The following PALM2AKAP2 variants were observed in gnomAD, a reference collection of about 807,000 sequenced individuals.
PALM2AKAP2 encodes PALM2-AKAP2 fusion protein.
Under a neutral mutation model 71.5 loss-of-function variants are expected in PALM2AKAP2, and 37 were observed. The ratio of observed to expected loss-of-function variants is 0.52; its 90% CI spans 0.40 to 0.68. The LOEUF is 0.68. Ranked by LOEUF, PALM2AKAP2 falls within the 30% of genes least tolerant of loss-of-function variation. The probability of loss-of-function intolerance (pLI) is 0.00; values close to 1 mark genes in which losing one functional copy is unlikely to be tolerated. For missense variants in PALM2AKAP2, 1,224 were observed against 1,191.8 expected (o/e 1.03, Z -0.40); for synonymous variants, 468 against 478.8 (o/e 0.98, Z 0.29).
At chr9:110,140,883 G>A (rs1470829444) in intron 2 of PALM2AKAP2, among the ~76,000 whole-genome samples, 2 of 152,154 alleles carry the variant, frequency 1.3e-5, no homozygotes, top group African/African-American at 2.4e-5. Flanking sequence ...GGAAGGAAAG[G>A]AAAGGGAGGA....
At chr9:109,783,608 C>CT (rs1826878828) in intron 1 of PALM2AKAP2, among the ~76,000 whole-genome samples, 1 of 152,174 alleles carries the variant, frequency 6.6e-6, no homozygotes, top group African/African-American at 2.4e-5. Flanking sequence ...CTGAACAGCT[C>CT]TTTTTTAATC....
At chr9:110,078,025 A>AAAAG (rs1834358962) in intron 1 of PALM2AKAP2, among the ~76,000 whole-genome samples, 1 of 152,074 alleles carries the variant, frequency 6.6e-6, no homozygotes, top group African/African-American at 2.4e-5. Flanking sequence ...AAAAAAAAAA[A>AAAAG]AAAGAAAGAA....
intron 1 of PALM2AKAP2, among the ~76,000 whole-genome samples, chr9:109,711,732 A>G (rs1374281252): frequency 6.6e-6 from 1 of 152,226 alleles, no homozygotes; most frequent in Non-Finnish European, 1.5e-5. Context: ...TATGGCACAG[A>G]GAGCTAAACA....
At chr9:109,852,046 A>G (rs1320773956) in intron 1 of PALM2AKAP2, among the ~76,000 whole-genome samples, 1 of 152,224 alleles carries the variant, frequency 6.6e-6, no homozygotes, top group African/African-American at 2.4e-5. Context: ...GGTTCTGAGC[A>G]CAAACTCTGA....
chr9:109,903,721 C>T (rs1291981327), intron 3 of PALM2AKAP2, among the ~76,000 whole-genome samples: 3 of 152,132 alleles, frequency 2.0e-5, no homozygotes, highest in Non-Finnish European at 4.4e-5. Context: ...TATGACTTCA[C>T]CTGCCACTAG....
At chr9:110,055,503 C>T (rs927220071) in intron 1 of PALM2AKAP2, among the ~76,000 whole-genome samples, 4 of 152,154 alleles carry the variant, frequency 2.6e-5, no homozygotes, top group African/African-American at 9.7e-5. Context: ...GGGGAAGGGG[C>T]CTCTTTTGGT....
At chr9:109,662,165 T>G (rs1176536827) in intron 1 of PALM2AKAP2, among the ~76,000 whole-genome samples, 9 of 152,180 alleles carry the variant, frequency 5.9e-5, no homozygotes, top group Non-Finnish European at 1.2e-4. Flanking sequence ...TATTTCTTTC[T>G]CCTGCCTGAT....
intron 1 of PALM2AKAP2, among the ~76,000 whole-genome samples, chr9:110,088,703 G>GTTGTTTTTTTTTTT (rs1834628843): frequency 1.3e-5 from 1 of 75,574 alleles, no homozygotes; most frequent in Admixed American, 1.9e-4. Context: ...GCATTTACGT[G>GTTGTTTTTTTTTTT]TTTTTTTTTT....
chr9:109,657,320 G>C (rs752867402), intron 1 of PALM2AKAP2, among the ~76,000 whole-genome samples: 1 of 152,212 alleles, frequency 6.6e-6, no homozygotes, highest in Admixed American at 6.5e-5. Context: ...TTGGTTTTTT[G>C]AGGAGGGAGA....
At chr9:109,912,111 C>T (rs1476112988) in intron 3 of PALM2AKAP2, among the ~76,000 whole-genome samples, 5 of 151,966 alleles carry the variant, frequency 3.3e-5, no homozygotes, top group Non-Finnish European at 5.9e-5. Flanking sequence ...GAGGTCTTGG[C>T]TGAAGACAGG....
intron 6 of PALM2AKAP2, chr9:109,943,075 G>T (rs1831414373): frequency 1.2e-6 from 2 of 1,614,222 alleles, no homozygotes; most frequent in Admixed American, 3.3e-5. Flanking sequence ...GCAGGCCCAA[G>T]CCCCCAGCGC....
At chr9:110,000,884 T>C (rs1278971990) in intron 6 of PALM2AKAP2, among the ~76,000 whole-genome samples, 1 of 152,236 alleles carries the variant, frequency 6.6e-6, no homozygotes, top group East Asian at 1.9e-4. Flanking sequence ...TGAAAATTTG[T>C]TTGAGTTCAT....
chr9:110,126,158 C>T (rs1445285659), intron 1 of PALM2AKAP2, among the ~76,000 whole-genome samples: 1 of 152,012 alleles, frequency 6.6e-6, no homozygotes. Context: ...AGGAGACCCT[C>T]GCCAGCTTTG....
intron 1 of PALM2AKAP2, among the ~76,000 whole-genome samples, chr9:109,678,580 T>C (rs976237826): frequency 6.6e-5 from 10 of 152,178 alleles, no homozygotes; most frequent in African/African-American, 1.9e-4. Flanking sequence ...ATCGTTAAGA[T>C]TTTCAGATAG....
chr9:109,677,705 A>G (rs1221384402), intron 1 of PALM2AKAP2, among the ~76,000 whole-genome samples: 1 of 151,890 alleles, frequency 6.6e-6, no homozygotes, highest in Non-Finnish European at 1.5e-5. Flanking sequence ...CATACCAAGA[A>G]TGGGGTTGAC....
At chr9:110,072,223 T>C (rs1268804744) in intron 1 of PALM2AKAP2, among the ~76,000 whole-genome samples, 2 of 151,932 alleles carry the variant, frequency 1.3e-5, no homozygotes, top group Non-Finnish European at 2.9e-5. Context: ...GAAGAGAAAA[T>C]GAGAAATTCT....
intron 1 of PALM2AKAP2, among the ~76,000 whole-genome samples, chr9:110,067,098 C>T (rs577586259): frequency 3.3e-5 from 5 of 152,054 alleles, no homozygotes; most frequent in South Asian, 2.1e-4. Context: ...GTCATTCTAA[C>T]GTTAGTCTGT....
intron 1 of PALM2AKAP2, among the ~76,000 whole-genome samples, chr9:109,689,915 G>C (rs747804620): frequency 4.6e-5 from 7 of 152,216 alleles, no homozygotes; most frequent in Non-Finnish European, 7.3e-5. Flanking sequence ...ATGACTCCCA[G>C]GGGAGGAGTA....
intron 7 of PALM2AKAP2, among the ~76,000 whole-genome samples, chr9:110,022,320 G>A (rs147432243): frequency 8.2e-4 from 125 of 152,110 alleles, no homozygotes; most frequent in African/African-American, 2.9e-3. Context: ...AACATACTGA[G>A]ACTCCATCTC....
Sources: allele counts gnomAD v4.1 joint callset (sites outside exome capture counted in the v4.1 genomes callset), GRCh38; gene constraint gnomAD v4.1.1; transcripts MANE v1.5; gene names NCBI Gene and HGNC (gene_info 2026-07-23, HGNC 2026-07-21).